BSN: variants seen among roughly 807,000 people sequenced by gnomAD.
BSN encodes the protein protein bassoon.
Under a neutral mutation model 264.8 loss-of-function variants are expected in BSN, and 57 were observed. That is an observed-to-expected ratio of 0.22 (90% confidence interval 0.17 to 0.27). The LOEUF is 0.27. Among genes scored for constraint, BSN ranks in the 10% least tolerant of loss-of-function variants. BSN has a pLI of 1.00. For missense variants in BSN, 4,615 were observed against 5,232.5 expected, an observed-to-expected ratio of 0.88 and a Z score of 3.64; for synonymous variants, 2,059 against 2,137.3, an observed-to-expected ratio of 0.96 and a Z score of 1.01.
rs955188706 is a variant in BSN at position 49,657,779 on chromosome 3, C to T, written c.8223C>T (p.Ser2741=). The T allele has an allele frequency of 1.9e-6, 3 of 1,564,880 alleles. No individual in the cohort carries two copies. In the African/African-American group the frequency reaches 4.1e-5, roughly 21 times the overall value. ...AGCTTGTAGGGCCAACTGCCATCAG[C>T]CCCTACCTGCCTGGCATCCAGATCG... ...GPQLVGPTAI[S]PYLPGIQIVT... Residue 2741 remains serine, a synonymous_variant, in exon 5 of 12, where the codon AGC becomes AGT. Coordinates refer to ENST00000296452, the MANE Select transcript of BSN (RefSeq NM_003458.4).
Position 49,669,669 on chromosome 3 carries a change from T to C in BSN, c.*2184T>C, listed in dbSNP as rs769476544. On this transcript the variant is annotated 3_prime_UTR_variant, in exon 12 of 12. Transcript: ENST00000296452. Reference sequence around the variant, plus strand: ...GGGTCAATGGATGCTCAGGAAGAGCTGGGCCTTTGGCACTTGTGGTGAGAA... The same window carrying C: ...GGGTCAATGGATGCTCAGGAAGAGCCGGGCCTTTGGCACTTGTGGTGAGAA... The C allele has an allele frequency of 6.6e-6, 1 of 152,310 alleles. No homozygotes were observed. The highest frequency in any genetic ancestry group is 1.5e-5 in the Non-Finnish European group (1 of 68,070). 9.4% of individuals were successfully genotyped at this position (152,310 alleles called of 1,614,324 possible).
At chr3:49,558,051 T>C (rs543084052) in intron 1 of BSN, among the ~76,000 whole-genome samples, 118 of 152,306 alleles carry the variant, frequency 7.7e-4, no homozygotes, top group African/African-American at 2.7e-3. Context: ...AGCCAAATCA[T>C]GGAAGAACCC....
chr3:49,636,475 G>A (rs1040926131), intron 2 of BSN, among the ~76,000 whole-genome samples: 1 of 152,098 alleles, frequency 6.6e-6, no homozygotes, highest in African/African-American at 2.4e-5. Flanking sequence ...GTCGGGAGGG[G>A]GGCTGTCCAG....
rs1181113076 is a variant in BSN at position 49,660,859 on chromosome 3, T to C, written c.9014T>C (p.Leu3005Pro). ...GGRDYPPLRG[L>P]GEHRDYLSDS... Reference sequence around the variant, plus strand: ...CGTGACTACCCACCCTTGCGTGGTCTTGGCGAGCATCGTGACTACCTATCG... The same window carrying C: ...CGTGACTACCCACCCTTGCGTGGTCCTGGCGAGCATCGTGACTACCTATCG... The change falls in exon 6 of 12, where the codon CTT becomes CCT. Residue 3005 changes from leucine (L) to proline (P), a missense_variant. Leu to Pro is a moderately conservative substitution (Grantham distance 98). This residue lies in a region of BSN where 3,415 missense variants were observed against 3,866.4 expected (regional missense o/e 0.88). Transcript: ENST00000296452. This position sits in a 1 kb window ranked among gnomAD's most constrained non-coding sequence, Gnocchi z 7.1. 2.5e-6 allele frequency: 4 copies of C among 1,613,360 alleles called. No individual in the cohort carries two copies. The highest frequency in any genetic ancestry group is 3.4e-6 in the Non-Finnish European group (4 of 1,180,024).
chr3:49,598,187 C>T (rs1159267923), intron 1 of BSN, among the ~76,000 whole-genome samples: 2 of 152,178 alleles, frequency 1.3e-5, no homozygotes, highest in African/African-American at 4.8e-5. Context: ...TTACACTTTC[C>T]TGTTGCTTTG....
intron 3 of BSN, among the ~76,000 whole-genome samples, 188 bp from the exon 4 acceptor site, chr3:49,650,424 A>T (rs1020833689): frequency 4.6e-5 from 7 of 152,126 alleles, no homozygotes; most frequent in Non-Finnish European, 7.3e-5. Flanking sequence ...GTGTGTGTTC[A>T]TCTTAAAGGT....
Position 49,663,909 on chromosome 3 carries a change from T to C in BSN, c.11608+23T>C, listed in dbSNP as rs1371829978. ...CAGGTGAGCCTATCCTTTGACACCC[T>C]TGGCTGTGGCCCAGAGCACCCAGGC... On this transcript the variant is annotated intron_variant, in intron 8 of 11. Transcript: ENST00000296452. The C allele has an allele frequency of 3.7e-6, 6 of 1,610,174 alleles. No homozygotes were observed. The Admixed American group carries it at 8.3e-5, about 22-fold the overall frequency.
At chr3:49,621,921 G>T (rs779887748) in intron 1 of BSN, among the ~76,000 whole-genome samples, 8 of 152,190 alleles carry the variant, frequency 5.3e-5, no homozygotes, top group Non-Finnish European at 1.2e-4. Flanking sequence ...GAGTTTTGCT[G>T]TAAAGAAGAG....
rs535346054 is a variant in BSN, at chr3:49,656,903, T to C, written c.7347T>C (p.Arg2449=). 6.2e-7 allele frequency: 1 copy of C among 1,601,072 alleles called. No homozygotes were observed. The highest frequency in any genetic ancestry group is 2.2e-5 in the East Asian group (1 of 44,484). Residue 2449 remains arginine (R), a synonymous_variant, in exon 5 of 12, where the codon CGT becomes CGC. Coordinates refer to ENST00000296452, the MANE Select transcript of BSN (RefSeq NM_003458.4). ...ALQREQLAQQ[R]LQLEQIQQLQ... ...AGCGGGAACAGCTAGCGCAGCAGCG[T>C]CTGCAGCTGGAGCAGATCCAGCAGC...
At position 49,650,684 on chromosome 3, in the gene BSN, C is replaced by G. The variant is rs2052533931; in HGVS notation, c.1591C>G (p.Leu531Val). 1 of 1,610,292 alleles carries G rather than the reference C, an allele frequency of 6.2e-7. No individual in the cohort carries two copies. The highest frequency in any genetic ancestry group is 8.5e-7 in the Non-Finnish European group (1 of 1,178,994). Reference sequence around the variant, plus strand: ...GGGCAGCCTAGGAGAGCCGACCCCCCTGCCGCCGCCCACCTCACAGCAGCC... The same window carrying G: ...GGGCAGCCTAGGAGAGCCGACCCCCGTGCCGCCGCCCACCTCACAGCAGCC... ...LEGSLGEPTP[L>V]PPPTSQQPPV... Residue 531 changes from leucine to valine, a missense_variant, in exon 4 of 12, where the codon CTG (leucine) becomes GTG (valine). By Grantham distance (32) the Leu-to-Val change is conservative. Transcript: ENST00000296452.
chr3:49,556,000 A>G (rs1214228103), intron 1 of BSN, among the ~76,000 whole-genome samples: 1 of 152,274 alleles, frequency 6.6e-6, no homozygotes, highest in Non-Finnish European at 1.5e-5. Flanking sequence ...TGCGGCAGAC[A>G]GGTCAGCCTG....
intron 1 of BSN, among the ~76,000 whole-genome samples, chr3:49,562,564 A>G (rs1337816224): frequency 6.6e-6 from 1 of 152,264 alleles, no homozygotes; most frequent in Non-Finnish European, 1.5e-5. Context: ...ATGGTATTTT[A>G]CAGCTTACAA....
Position 49,643,081 on chromosome 3 carries a change from A to G in BSN, c.1447A>G (p.Asn483Asp). 1 of 1,613,904 alleles carries G rather than the reference A, an allele frequency of 6.2e-7. No individual in the cohort carries two copies. The highest frequency in any genetic ancestry group is 8.5e-7 in the Non-Finnish European group (1 of 1,180,008). The change falls in exon 3 of 12, where the codon AAC (asparagine) becomes GAC (aspartate). Residue 483 changes from asparagine (N) to aspartate (D), a missense_variant. By Grantham distance (23) the Asn-to-Asp change is conservative. This residue lies in a region of BSN where 1,197 missense variants were observed against 1,348.0 expected (regional missense o/e 0.89). Coordinates refer to ENST00000296452, the MANE Select transcript of BSN (RefSeq NM_003458.4). The part of the protein sequence containing the change: ...NVGSKSPANY[N>D]TCTTCRLQVC... ...GGGCAGCAAGAGCCCAGCCAACTAT[A>G]ACACATGCACCACCTGCAGGCTCCA...
In BSN at chr3:49,651,843, T is replaced by G; in HGVS notation, c.2287T>G (p.Ser763Ala). 1 of 1,613,860 alleles carries G rather than the reference T, an allele frequency of 6.2e-7. No homozygotes were observed. The highest frequency in any genetic ancestry group is 1.1e-5 in the South Asian group (1 of 91,076). Residue 763 changes from serine (S) to alanine (A), a missense_variant, in exon 5 of 12, where the codon TCC becomes GCC. Physicochemically the swap from Ser to Ala is moderately conservative, Grantham distance 99. Transcript: ENST00000296452. This position sits in a 1 kb window ranked among gnomAD's most constrained non-coding sequence, Gnocchi z 5.4. ...TGEEQKQRPHSLSITPEAFDS... is the reference protein window; with the variant it reads ...TGEEQKQRPHALSITPEAFDS... Reference sequence around the variant, plus strand: ...CGAGGAGCAGAAGCAGCGGCCCCACTCCTTGTCCATCACGCCTGAGGCCTT... The same window carrying G: ...CGAGGAGCAGAAGCAGCGGCCCCACGCCTTGTCCATCACGCCTGAGGCCTT...
In BSN at chr3:49,656,299, C is replaced by G; in HGVS notation, c.6743C>G (p.Ala2248Gly). Residue 2248 changes from alanine to glycine, a missense_variant, in exon 5 of 12, where the codon GCC becomes GGC. Transcript: ENST00000296452. ...AGTCTGACACGTGTGCCCATGATTG[C>G]CCCCCGGGTACCTCTTGGACCCACA... ...LTSLTRVPMIAPRVPLGPTGL... is the reference protein window; with the variant it reads ...LTSLTRVPMIGPRVPLGPTGL... 6.2e-7 allele frequency: 1 copy of G among 1,612,992 alleles called. No individual in the cohort carries two copies. Among genetic ancestry groups the G allele is most frequent in the Non-Finnish European group, 8.5e-7 (1 of 1,179,830 alleles).
chr3:49,619,636 C>T (rs1362172792), intron 1 of BSN, among the ~76,000 whole-genome samples: 1 of 152,216 alleles, frequency 6.6e-6, no homozygotes, highest in Non-Finnish European at 1.5e-5. Flanking sequence ...ACAGGTGGCT[C>T]ATGGTGAGGG....
At chr3:49,672,631 C>T (rs2052805389), downstream of BSN, among the ~76,000 whole-genome samples, 2 of 151,658 alleles carry the variant, frequency 1.3e-5, no homozygotes, top group Non-Finnish European at 2.9e-5. Flanking sequence ...CAGGCGCGTG[C>T]CACCCAGCCC....
chr3:49,625,992 C>G lies in BSN; in HGVS notation c.633+609C>G, dbSNP rs2052339156. On this transcript the variant is annotated intron_variant, in intron 2 of 11. Transcript: ENST00000296452. The surrounding 1 kb of genome is among the most constrained non-coding windows in gnomAD (Gnocchi z 4.4). ...TGGGGTAAAGAACCAGGCTGGGAAC[C>G]AAGCATTCACCAAGGATGACAGTGT... is the stretch of plus-strand genomic sequence containing the variant. Among the ~76,000 whole-genome samples, 1 of 152,186 alleles carries G rather than the reference C, an allele frequency of 6.6e-6. No homozygotes were observed. The highest frequency in any genetic ancestry group is 1.5e-5 in the Non-Finnish European group (1 of 68,030).
At chr3:49,631,507 A>G (rs2052383835) in intron 2 of BSN, among the ~76,000 whole-genome samples, 1 of 151,234 alleles carries the variant, frequency 6.6e-6, no homozygotes, top group African/African-American at 2.4e-5. Context: ...TACATGAGCC[A>G]TGATCATGCC....
Sources: gnomAD v4.1 joint callset for allele counts (sites outside exome capture counted in the v4.1 genomes callset) on GRCh38, gnomAD v4.1.1 for gene constraint, gnomAD v4.1.1 regional missense constraint, Gnocchi (gnomAD v3.1) non-coding constraint, MANE v1.5 for transcripts, NCBI Gene and HGNC (gene_info 2026-07-23, HGNC 2026-07-21) for gene names.